The following MED27 variants were observed in gnomAD, a reference collection of about 807,000 sequenced individuals.
The protein encoded by MED27 is mediator of RNA polymerase II transcription subunit 27.
MED27 carries 30 observed loss-of-function variants against 38.2 expected under a neutral mutation model. The ratio of observed to expected loss-of-function variants is 0.79; its 90% CI spans 0.59 to 1.07. The LOEUF (loss-of-function observed/expected upper bound fraction) is 1.07, where lower values mean the gene tolerates loss of function less well. MED27 is among the 50% of genes least tolerant of loss of function. The pLI is 0.00. For synonymous variants in MED27, 122 were observed against 153.5 expected, an observed-to-expected ratio of 0.79 and a Z score of 1.52; for missense variants, 289 against 397.5, an observed-to-expected ratio of 0.73 and a Z score of 2.32.
At chr9:132,077,649 C>A (rs1449908915) in intron 1 of MED27, 63 bp from the exon 2 acceptor site, 1 of 1,553,820 alleles carries the variant, frequency 6.4e-7, no homozygotes, top group South Asian at 1.2e-5. Context: ...GTAAAGCCAG[C>A]CCCCAGGATC....
chr9:131,980,086 G>T (rs1031564470), intron 3 of MED27, among the ~76,000 whole-genome samples: 1 of 152,004 alleles, frequency 6.6e-6, no homozygotes, highest in Non-Finnish European at 1.5e-5. Context: ...CTTGGGGGAT[G>T]GGGGAAGGTA....
chr9:131,959,751 A>G (rs1831176387), intron 3 of MED27, among the ~76,000 whole-genome samples: 1 of 152,334 alleles, frequency 6.6e-6, no homozygotes, highest in South Asian at 2.1e-4. Flanking sequence ...CCTATTTCTT[A>G]ACCTCTGGGA....
intron 3 of MED27, among the ~76,000 whole-genome samples, chr9:131,976,204 A>G (rs575173211): frequency 3.3e-5 from 5 of 152,280 alleles, no homozygotes; most frequent in Non-Finnish European, 7.4e-5. Flanking sequence ...CCTGGTAATT[A>G]TAAGGGAAAA....
chr9:131,935,378 A>C (rs1162550380), intron 4 of MED27, among the ~76,000 whole-genome samples: 1 of 152,208 alleles, frequency 6.6e-6, no homozygotes, highest in African/African-American at 2.4e-5. Flanking sequence ...AATTAAAATA[A>C]AAACTTTCAA....
At chr9:131,863,839 C>G (rs1327605175) in intron 6 of MED27, among the ~76,000 whole-genome samples, 1 of 152,154 alleles carries the variant, frequency 6.6e-6, no homozygotes, top group Admixed American at 6.5e-5. Flanking sequence ...CTATTGTCTC[C>G]TGACTCCTCA....
chr9:132,030,260 C>A (rs1052619293), intron 2 of MED27, among the ~76,000 whole-genome samples: 6 of 152,162 alleles, frequency 3.9e-5, no homozygotes, highest in Non-Finnish European at 8.8e-5. Context: ...AGGCCCTGAC[C>A]CAAGGGAGTG....
chr9:132,068,469 G>T (rs1434973306), intron 2 of MED27, among the ~76,000 whole-genome samples: 1 of 152,122 alleles, frequency 6.6e-6, no homozygotes, highest in Admixed American at 6.5e-5. Context: ...ATTAGAAAGG[G>T]TAGACTACAG....
intron 1 of MED27, 21 bp downstream of exon 1, chr9:132,079,621 G>A (rs1221927754): frequency 6.2e-6 from 10 of 1,611,818 alleles, no homozygotes; most frequent in Non-Finnish European, 8.5e-6. Flanking sequence ...CCCGACCCCG[G>A]CCCCTTCAGC....
At chr9:132,053,548 C>T (rs183842956) in intron 2 of MED27, among the ~76,000 whole-genome samples, 448 of 152,278 alleles carry the variant, frequency 2.9e-3, no homozygotes, top group Admixed American at 4.7e-3. Flanking sequence ...TCACAATAAC[C>T]CTACAGGGTG....
intron 6 of MED27, among the ~76,000 whole-genome samples, chr9:131,869,641 G>A (rs1838796411): frequency 6.6e-6 from 1 of 152,170 alleles, no homozygotes; most frequent in Non-Finnish European, 1.5e-5. Context: ...AAGGGAGGGA[G>A]GAGAAGGCAG....
intron 6 of MED27, among the ~76,000 whole-genome samples, chr9:131,882,977 G>C (rs921177830): frequency 1.3e-5 from 2 of 151,832 alleles, no homozygotes; most frequent in African/African-American, 4.8e-5. Flanking sequence ...GCACAATCTG[G>C]GCTCACTGCA....
chr9:131,870,195 C>T (rs1403686584), intron 6 of MED27, among the ~76,000 whole-genome samples: 3 of 152,196 alleles, frequency 2.0e-5, no homozygotes, highest in Non-Finnish European at 4.4e-5. Flanking sequence ...ACAGCAACAA[C>T]CCACATCGCC....
intron 2 of MED27, among the ~76,000 whole-genome samples, 188 bp downstream of exon 2, chr9:132,077,254 G>A (rs1466999089): frequency 1.3e-5 from 2 of 152,142 alleles, no homozygotes; most frequent in East Asian, 3.9e-4. Context: ...TGAACATCAT[G>A]AATCCCCAAA....
At chr9:131,909,749 C>T (rs995492194) in intron 4 of MED27, among the ~76,000 whole-genome samples, 11 of 152,262 alleles carry the variant, frequency 7.2e-5, no homozygotes, top group South Asian at 2.1e-4. Context: ...TTAGCAACAA[C>T]GAGAGAGGCA....
chr9:131,925,230 A>G (rs550384463), intron 4 of MED27, among the ~76,000 whole-genome samples: 2 of 152,294 alleles, frequency 1.3e-5, no homozygotes, highest in South Asian at 4.1e-4. Flanking sequence ...AGGACTGTTT[A>G]TTTGATTATT....
intron 3 of MED27, among the ~76,000 whole-genome samples, chr9:131,960,953 G>T (rs1831202614): frequency 6.6e-6 from 1 of 152,202 alleles, no homozygotes; most frequent in South Asian, 2.1e-4. Context: ...AATGCTAGCA[G>T]AGGAGAGGCT....
chr9:131,976,290 C>T (rs1024391096), intron 3 of MED27, among the ~76,000 whole-genome samples: 7 of 152,218 alleles, frequency 4.6e-5, no homozygotes, highest in Non-Finnish European at 8.8e-5. Flanking sequence ...AACCCAGACT[C>T]TGGTCTCTTA....
intron 3 of MED27, among the ~76,000 whole-genome samples, chr9:131,951,486 T>C (rs1830995522): frequency 6.6e-6 from 1 of 152,202 alleles, no homozygotes; most frequent in African/African-American, 2.4e-5. Flanking sequence ...TACAACTCTA[T>C]TCAGCACAAC....
chr9:131,954,798 T>C (rs1462350150), intron 3 of MED27, among the ~76,000 whole-genome samples: 1 of 152,134 alleles, frequency 6.6e-6, no homozygotes, highest in East Asian at 1.9e-4. Context: ...AGGAAGGTCA[T>C]AAGAATTATT....
Sources: gnomAD v4.1 joint callset for allele counts (sites outside exome capture counted in the v4.1 genomes callset) on GRCh38, gnomAD v4.1.1 for gene constraint, MANE v1.5 for transcripts, NCBI Gene and HGNC (gene_info 2026-07-23, HGNC 2026-07-21) for gene names.